Variants in CNRIP1 observed in about 807,000 individuals in gnomAD.
The protein encoded by CNRIP1 is cannabinoid receptor interacting protein 1.
In CNRIP1, 10 loss-of-function variants were observed where a neutral mutation model predicts 15.2. That is an observed-to-expected ratio of 0.66 (90% CI 0.41 to 1.12). The LOEUF (loss-of-function observed/expected upper bound fraction) is 1.12. Among genes scored for constraint, CNRIP1 ranks in the 50% most tolerant of loss-of-function variants. CNRIP1 has a pLI of 0.00. For synonymous variants in CNRIP1, 91 were observed against 83.2 expected, an observed-to-expected ratio of 1.09 and a Z score of -0.51; for missense variants, 211 against 214.7, an observed-to-expected ratio of 0.98 and a Z score of 0.11.
At chr2:68,297,567 CAAAAAAAAAAAAAA>C (rs112601365) in intron 2 of CNRIP1, among the ~76,000 whole-genome samples, 7 of 98,870 alleles carry the variant, frequency 7.1e-5, no homozygotes, top group Non-Finnish European at 1.1e-4. Flanking sequence ...GACACTGTCT[CAAAAAAAAAAAAAA>C]AAAAAAAAAA....
rs1159567819 is a variant in CNRIP1 at position 68,304,080 on chromosome 2, AAAC to A, written c.331-10057_331-10055del. On this transcript the variant is annotated intron_variant, in intron 2 of 2. Transcript: ENST00000263655. ...CGACAGAGCAAGACTGTCTAAAAAC[AAAC>A]AAAAAAAACAAACAAAAAAGCCAGC... Among the ~76,000 whole-genome samples the A allele has an allele frequency of 5.7e-5, 8 of 141,414 alleles. No individual in the cohort carries two copies. The South Asian group carries it at 1.0e-3, about 18-fold the overall frequency. The allele number at this position is 141,414 out of a possible 152,430, so 92.8% of individuals were successfully genotyped here. A position where few individuals can be genotyped will look rare whatever the true frequency, so the allele number is the denominator to read the frequency against.
rs1214086385 is a variant in CNRIP1 at position 68,302,845 on chromosome 2, C to CTT, written c.331-8821_331-8820dup. Among the ~76,000 whole-genome samples, 590 of 126,236 alleles carry CTT rather than the reference C, an allele frequency of 4.7e-3. 2 individuals are homozygous for CTT. Among genetic ancestry groups the CTT allele is most frequent in the African/African-American group, 0.012 (355 of 30,354 alleles). 82.8% of individuals were successfully genotyped at this position (126,236 alleles called of 152,430 possible). A position where few individuals can be genotyped will look rare whatever the true frequency, so the allele number is the denominator to read the frequency against. On this transcript the variant is annotated intron_variant, in intron 2 of 2. Transcript: ENST00000263655. ...ATCATTTATTCAATGATTTGAAAAACTTTTTTTTTTTTTTTTTTTTTGAGA... is the reference window on the plus strand; with the variant it reads ...ATCATTTATTCAATGATTTGAAAAACTTTTTTTTTTTTTTTTTTTTTTTGAGA...
At chr2:68,318,435 C>A (rs1357309615) in intron 1 of CNRIP1, among the ~76,000 whole-genome samples, 1 of 152,180 alleles carries the variant, frequency 6.6e-6, no homozygotes, top group African/African-American at 2.4e-5. Context: ...CTACTGCATG[C>A]TCCCACACAC....
At chr2:68,291,159 C>T (rs564964330), downstream of CNRIP1, among the ~76,000 whole-genome samples, 4 of 152,286 alleles carry the variant, frequency 2.6e-5, no homozygotes, top group Admixed American at 6.5e-5. Context: ...GATCACTTAA[C>T]GTGCAGATTA....
At chr2:68,285,777 A>G (rs1485081375) in intron 2 of CNRIP1, among the ~76,000 whole-genome samples, 3 of 152,194 alleles carry the variant, frequency 2.0e-5, no homozygotes, top group African/African-American at 7.2e-5. Context: ...GTGTACAGCC[A>G]TATGGGTTTT....
intron 2 of CNRIP1, among the ~76,000 whole-genome samples, chr2:68,309,973 A>T (rs1672014213): frequency 6.6e-6 from 1 of 152,172 alleles, no homozygotes; most frequent in Non-Finnish European, 1.5e-5. Context: ...GTATGTATGT[A>T]TGTATGCATG....
chr2:68,302,583 G>C lies in CNRIP1; in HGVS notation c.331-8557C>G, dbSNP rs192323237. On this transcript the variant is annotated intron_variant, in intron 2 of 2. Transcript: ENST00000263655. ...CTGAAGATCATTGCCATTAATCTAA[G>C]TCAGATGGCATTTGACTATTTCCTG... is the stretch of plus-strand genomic sequence containing the variant. Among the ~76,000 whole-genome samples, 131 of 152,290 alleles carry C rather than the reference G, an allele frequency of 8.6e-4. 1 individual carries two copies. Among genetic ancestry groups the C allele is most frequent in the Admixed American group, 3.7e-3 (56 of 15,298 alleles).
intron 2 of CNRIP1, among the ~76,000 whole-genome samples, chr2:68,304,027 A>C (rs922768374): frequency 6.6e-6 from 1 of 152,100 alleles, no homozygotes; most frequent in East Asian, 1.9e-4. Context: ...CAGTGAGCCA[A>C]GATCACACCA....
rs182566279 is a variant in CNRIP1, at chr2:68,301,852, A to G, written c.331-7826T>C. Among the ~76,000 whole-genome samples, 248 of 138,346 alleles carry G rather than the reference A, an allele frequency of 1.8e-3. 2 individuals are homozygous for G. The highest frequency in any genetic ancestry group is 8.0e-4 in the Non-Finnish European group (53 of 65,984). 90.8% of individuals were successfully genotyped at this position (138,346 alleles called of 152,430 possible). ...GCTTGCAGTGAGCCGAGTTTGCGCC[A>G]CTGCACTCCAGAGCCTGGGCGACAG... On this transcript the variant is annotated intron_variant, in intron 2 of 2. Coordinates refer to ENST00000263655, the MANE Select transcript of CNRIP1 (RefSeq NM_015463.3).
At chr2:68,284,227 A>G in exon 3 of CNRIP1, 1 of 398,628 alleles carries the variant, frequency 2.5e-6, no homozygotes, top group Non-Finnish European at 4.5e-6. Context: ...AATAAAATGC[A>G]GATGCTTTGG....
chr2:68,312,195 C>A (rs890026115), intron 2 of CNRIP1, among the ~76,000 whole-genome samples: 2 of 151,566 alleles, frequency 1.3e-5, no homozygotes, highest in Non-Finnish European at 2.9e-5. Flanking sequence ...GACAAATATC[C>A]CCCCCGGAAC....
chr2:68,298,529 T>C (rs1312581744), intron 2 of CNRIP1, among the ~76,000 whole-genome samples: 3 of 152,138 alleles, frequency 2.0e-5, no homozygotes, highest in African/African-American at 7.2e-5. Flanking sequence ...TTTTCAAAAG[T>C]CTCAATCTAA....
intron 2 of CNRIP1, among the ~76,000 whole-genome samples, chr2:68,315,120 TA>T (rs770178181): frequency 2.2e-4 from 34 of 152,234 alleles, no homozygotes; most frequent in Non-Finnish European, 4.4e-4. Context: ...CAAGATGTGA[TA>T]AAAATGACGA....
chr2:68,297,349 T>C (rs1019811697), intron 2 of CNRIP1, among the ~76,000 whole-genome samples: 2 of 151,988 alleles, frequency 1.3e-5, no homozygotes, highest in African/African-American at 4.8e-5. Context: ...GTAGTACCAC[T>C]TGAACCCAGA....
intron 2 of CNRIP1, among the ~76,000 whole-genome samples, chr2:68,315,205 CA>C (rs1309950900): frequency 2.0e-4 from 31 of 152,050 alleles, no homozygotes; most frequent in Admixed American, 3.3e-4. Context: ...AAACTATGAA[CA>C]TATAATCCAT....
downstream of CNRIP1, among the ~76,000 whole-genome samples, chr2:68,289,049 G>A (rs920553593): frequency 2.0e-5 from 3 of 152,176 alleles, no homozygotes; most frequent in Non-Finnish European, 4.4e-5. Flanking sequence ...GAATCTCTGA[G>A]ACATTTTTCC....
chr2:68,312,717 C>G, intron 2 of CNRIP1, among the ~76,000 whole-genome samples: 1 of 152,086 alleles, frequency 6.6e-6, no homozygotes, highest in Non-Finnish European at 1.5e-5. Context: ...CCTCCAAAAA[C>G]AGCTATTAGG....
chr2:68,288,572 A>T (rs1486535826), downstream of CNRIP1, among the ~76,000 whole-genome samples: 1 of 152,220 alleles, frequency 6.6e-6, no homozygotes, highest in Non-Finnish European at 1.5e-5. Context: ...GAAAAATTTT[A>T]GTCTTACCTA....
chr2:68,316,914 T>C (rs909703878), intron 2 of CNRIP1: 5 of 619,710 alleles, frequency 8.1e-6, no homozygotes, highest in African/African-American at 1.8e-5. Flanking sequence ...TTCTGTCTCT[T>C]CCAGAACCAT....
Sources: gnomAD v4.1 joint callset for allele counts (sites outside exome capture counted in the v4.1 genomes callset) on GRCh38, gnomAD v4.1.1 for gene constraint, MANE v1.5 for transcripts, NCBI Gene and HGNC (gene_info 2026-07-23, HGNC 2026-07-21) for gene names.